The following RIPOR2 variants were observed in gnomAD, a reference collection of about 807,000 sequenced individuals.
RIPOR2 encodes rho family-interacting cell polarization regulator 2.
A neutral mutation model predicts 114.5 loss-of-function variants in RIPOR2; 39 were observed. The ratio of observed to expected loss-of-function variants is 0.34; its 90% CI spans 0.26 to 0.44. The LOEUF is 0.44. RIPOR2 is among the 20% of genes least tolerant of loss of function. The pLI is 1.00. For missense variants in RIPOR2, 1,007 were observed against 1,255.1 expected (o/e 0.80, Z 2.99); for synonymous variants, 445 against 484.4 (o/e 0.92, Z 1.07).
At chr6:24,882,671 T>C (rs1302089310) in intron 1 of RIPOR2, among the ~76,000 whole-genome samples, 1 of 152,172 alleles carries the variant, frequency 6.6e-6, no homozygotes, top group African/African-American at 2.4e-5. Context: ...CGGGGGAATT[T>C]TGTTCTGTTA....
At chr6:24,933,881 CACT>C (rs747412675) in intron 1 of RIPOR2, among the ~76,000 whole-genome samples, 16 of 152,098 alleles carry the variant, frequency 1.1e-4, no homozygotes, top group Non-Finnish European at 1.8e-4. Context: ...TCAGCCATTC[CACT>C]ACAACATGGT....
intron 1 of RIPOR2, among the ~76,000 whole-genome samples, chr6:24,987,609 G>A (rs1246577737): frequency 2.0e-5 from 3 of 152,138 alleles, no homozygotes; most frequent in Admixed American, 1.3e-4. Context: ...CTTACAACAG[G>A]GTTACAAGTG....
At chr6:25,042,150 C>CGAAGG (rs1561862814), upstream of RIPOR2, 1 of 457,106 alleles carries the variant, frequency 2.2e-6, no homozygotes, top group African/African-American at 2.0e-5. Flanking sequence ...CCGACTGGCC[C>CGAAGG]GAAGGCAGCT....
At chr6:24,965,554 G>A (rs364769) in intron 1 of RIPOR2, among the ~76,000 whole-genome samples, 47,966 of 151,992 alleles carry the variant, frequency 0.32, 8,212 homozygotes, top group Non-Finnish European at 0.39. Flanking sequence ...TCAAACTTGC[G>A]TATTTCTTTA....
chr6:24,889,218 C>CT (rs1378248922), intron 1 of RIPOR2, among the ~76,000 whole-genome samples: 10 of 152,108 alleles, frequency 6.6e-5, no homozygotes, highest in Non-Finnish European at 1.5e-4. Flanking sequence ...AGTAACTTTG[C>CT]TTTTTTCTAC....
At chr6:24,881,539 C>T (rs1766353679) in intron 1 of RIPOR2, among the ~76,000 whole-genome samples, 1 of 152,166 alleles carries the variant, frequency 6.6e-6, no homozygotes, top group Non-Finnish European at 1.5e-5. Context: ...CTGAGCTGAG[C>T]CTCTAGGCAC....
intron 1 of RIPOR2, among the ~76,000 whole-genome samples, chr6:25,030,474 G>A (rs1305214074): frequency 1.3e-5 from 2 of 152,124 alleles, no homozygotes; most frequent in African/African-American, 4.8e-5. Flanking sequence ...ATGCTTTTTG[G>A]TGATTAGAGT....
At chr6:24,825,007 A>G (rs924892074) in intron 19 of RIPOR2, among the ~76,000 whole-genome samples, 6 of 152,216 alleles carry the variant, frequency 3.9e-5, no homozygotes, top group African/African-American at 1.4e-4. Flanking sequence ...TATAGATACA[A>G]TCTGAAAGAA....
At chr6:24,863,113 C>T (rs1016488560) in intron 7 of RIPOR2, among the ~76,000 whole-genome samples, 12 of 152,064 alleles carry the variant, frequency 7.9e-5, no homozygotes, top group African/African-American at 2.4e-4. Flanking sequence ...CCACCACGCC[C>T]GGCTAATTTT....
intron 1 of RIPOR2, among the ~76,000 whole-genome samples, chr6:24,953,279 G>C (rs413970): frequency 0.62 from 94,854 of 152,010 alleles, 32,004 homozygotes; most frequent in Non-Finnish European, 0.77. Context: ...GTTGCGGTGA[G>C]CCGATATTGT....
intron 1 of RIPOR2, among the ~76,000 whole-genome samples, chr6:24,970,034 T>TA (rs1773707720): frequency 6.6e-6 from 1 of 151,972 alleles, no homozygotes; most frequent in Admixed American, 6.6e-5. Context: ...GGAGTGGAAT[T>TA]AAAATGTTCT....
chr6:25,007,478 C>T (rs1435722139), intron 1 of RIPOR2, among the ~76,000 whole-genome samples: 2 of 152,144 alleles, frequency 1.3e-5, no homozygotes, highest in Non-Finnish European at 2.9e-5. Flanking sequence ...AAAAATGTTA[C>T]CATAAATAAA....
chr6:24,947,261 C>G (rs75810161), intron 1 of RIPOR2, among the ~76,000 whole-genome samples: 260 of 152,236 alleles, frequency 1.7e-3, no homozygotes, highest in African/African-American at 6.1e-3. Flanking sequence ...CCTCAACTCT[C>G]CGTCTCGGGT....
intron 1 of RIPOR2, among the ~76,000 whole-genome samples, chr6:25,039,714 A>T (rs994980642): frequency 6.6e-6 from 1 of 152,202 alleles, no homozygotes; most frequent in Non-Finnish European, 1.5e-5. Flanking sequence ...GGATTCCATA[A>T]CGGAGGTATT....
In RIPOR2 at chr6:24,935,804, A is replaced by G. The variant is rs541809624; in HGVS notation, c.61+34T>C. 10 of 1,485,526 alleles carry G rather than the reference A, an allele frequency of 6.7e-6. No homozygotes were observed. In the African/African-American group the frequency reaches 1.4e-4, roughly 21 times the overall value. The allele number at this position is 1,485,526 out of a possible 1,614,324, so 92.0% of individuals were successfully genotyped here. On this transcript the variant is annotated intron_variant, in intron 1 of 21. Coordinates refer to ENST00000643898, the MANE Select transcript of RIPOR2 (RefSeq NM_001286445.3). ...GTGGTGTCAAAACAAAGCAAAGCAG[A>G]CCGGAGAGCCTCCTGCCAGAAAGAT...
chr6:24,970,507 G>T (rs6938068), intron 1 of RIPOR2, among the ~76,000 whole-genome samples: 1 of 152,124 alleles, frequency 6.6e-6, no homozygotes, highest in Non-Finnish European at 1.5e-5. Context: ...CTGACTCCAG[G>T]CCTACTGAAC....
intron 7 of RIPOR2, 64 bp downstream of exon 7, chr6:24,865,237 A>G: frequency 7.0e-7 from 1 of 1,418,914 alleles, no homozygotes. Flanking sequence ...GTTCTTGGCA[A>G]TTACCAACAA....
At chr6:25,041,446 G>A (rs1341291345) in intron 1 of RIPOR2, among the ~76,000 whole-genome samples, 2 of 152,186 alleles carry the variant, frequency 1.3e-5, no homozygotes, top group Non-Finnish European at 2.9e-5. Context: ...CTCATCTAGC[G>A]ACACTGCTGA....
At chr6:24,913,356 G>A (rs185532700) in intron 1 of RIPOR2, among the ~76,000 whole-genome samples, 40 of 152,322 alleles carry the variant, frequency 2.6e-4, no homozygotes, top group Non-Finnish European at 5.1e-4. Flanking sequence ...TCCTTAGGAA[G>A]GGAGCAGAAC....
Sources: gnomAD v4.1 joint callset for allele counts (sites outside exome capture counted in the v4.1 genomes callset) on GRCh38, gnomAD v4.1.1 for gene constraint, MANE v1.5 for transcripts, NCBI Gene and HGNC (gene_info 2026-07-23, HGNC 2026-07-21) for gene names.